The following LRP1B variants were observed in gnomAD, a reference collection of about 807,000 sequenced individuals.
LRP1B encodes the protein low-density lipoprotein receptor-related protein 1B.
A neutral mutation model predicts 556.6 loss-of-function variants in LRP1B; 217 were observed. The ratio of observed to expected loss-of-function variants is 0.39; its 90% CI spans 0.35 to 0.44. The LOEUF is 0.44. Ranked by LOEUF, LRP1B falls within the 20% of genes least tolerant of loss-of-function variation. The pLI, the probability that LRP1B is intolerant of heterozygous loss-of-function variation, is 1.00. For synonymous variants in LRP1B, 2,047 were observed against 1,865.8 expected (o/e 1.10, Z -2.50); for missense variants, 5,053 against 5,620.8 (o/e 0.90, Z 3.23).
chr2:141,118,452 T>C (rs115717015), intron 7 of LRP1B, among the ~76,000 whole-genome samples: 2 of 152,098 alleles, frequency 1.3e-5, no homozygotes, highest in Non-Finnish European at 2.9e-5. Flanking sequence ...CTATTTCTAA[T>C]AATTGGTCAA....
At chr2:141,558,672 G>T (rs1219917351) in intron 2 of LRP1B, among the ~76,000 whole-genome samples, 4 of 151,788 alleles carry the variant, frequency 2.6e-5, no homozygotes, top group Non-Finnish European at 5.9e-5. Flanking sequence ...AGTAATACAA[G>T]TAAGAAGTAA....
intron 7 of LRP1B, among the ~76,000 whole-genome samples, chr2:141,176,077 A>G (rs778891949): frequency 6.6e-5 from 10 of 152,172 alleles, no homozygotes; most frequent in Admixed American, 3.9e-4. Context: ...CCTCCATTGT[A>G]TCTTGGATAT....
At chr2:141,103,935 C>G (rs1421864484) in intron 7 of LRP1B, among the ~76,000 whole-genome samples, 4 of 151,870 alleles carry the variant, frequency 2.6e-5, no homozygotes, top group Non-Finnish European at 4.4e-5. Context: ...ACAAAGGCGT[C>G]AATTCTATTG....
At position 141,247,251 on chromosome 2, in the gene LRP1B, G is replaced by A. The variant is rs2105327138; in HGVS notation, c.567C>T (p.Asp189=). The A allele has an allele frequency of 6.2e-7, 1 of 1,613,764 alleles. No individual in the cohort carries two copies. Among genetic ancestry groups the A allele is most frequent in the South Asian group, 1.1e-5 (1 of 91,080 alleles). ...CAATTTTAGCCTTGCAAGATCTGTT[G>A]TCTGGCTGCATTAGGTAGCCTTCCA... ...SCVEGYLMQP[D]NRSCKAKIEP... The change falls in exon 5 of 91, where the codon GAC becomes GAT. Residue 189 remains aspartate, a synonymous_variant. Transcript: ENST00000389484.
chr2:141,836,372 T>C (rs958144482), intron 1 of LRP1B, among the ~76,000 whole-genome samples: 2 of 152,068 alleles, frequency 1.3e-5, no homozygotes, highest in Admixed American at 6.6e-5. Context: ...TTTTCCACCA[T>C]ATAAAAATAT....
chr2:141,742,774 G>A (rs1040656371), intron 2 of LRP1B, among the ~76,000 whole-genome samples: 3 of 152,048 alleles, frequency 2.0e-5, no homozygotes, highest in African/African-American at 4.8e-5. Flanking sequence ...ACTTTTTGGT[G>A]TCCTCTTCAG....
At chr2:141,631,980 T>C (rs1688930760) in intron 2 of LRP1B, among the ~76,000 whole-genome samples, 1 of 152,084 alleles carries the variant, frequency 6.6e-6, no homozygotes, top group African/African-American at 2.4e-5. Flanking sequence ...GGCACAATCA[T>C]GGCTCACTGC....
At chr2:140,720,489 G>A (rs767923673) in intron 35 of LRP1B, among the ~76,000 whole-genome samples, 2 of 151,900 alleles carry the variant, frequency 1.3e-5, no homozygotes, top group Non-Finnish European at 1.5e-5. Flanking sequence ...CAGAATTAAA[G>A]GGAAAACCAT....
intron 4 of LRP1B, among the ~76,000 whole-genome samples, chr2:141,251,158 A>C (rs1346707735): frequency 6.6e-6 from 1 of 152,174 alleles, no homozygotes; most frequent in African/African-American, 2.4e-5. Context: ...AGGAAGATGG[A>C]GTTTGGAGTC....
chr2:140,613,349 A>T (rs1683138169), intron 41 of LRP1B, among the ~76,000 whole-genome samples: 1 of 87,010 alleles, frequency 1.1e-5, no homozygotes, highest in Admixed American at 1.4e-4. Flanking sequence ...ACATATAAAT[A>T]TAAATAATTA....
At chr2:141,962,372 C>T (rs1701425349) in intron 1 of LRP1B, among the ~76,000 whole-genome samples, 1 of 151,778 alleles carries the variant, frequency 6.6e-6, no homozygotes, top group Non-Finnish European at 1.5e-5. Context: ...CAGCCTTCCT[C>T]CTGACTTGTT....
chr2:141,629,558 G>T (rs1449821679), intron 2 of LRP1B, among the ~76,000 whole-genome samples: 2 of 152,088 alleles, frequency 1.3e-5, no homozygotes, highest in Admixed American at 6.6e-5. Context: ...ACAATAAAAA[G>T]ATATAAAATT....
intron 1 of LRP1B, among the ~76,000 whole-genome samples, chr2:142,046,816 G>T (rs181059341): frequency 6.6e-6 from 1 of 151,906 alleles, no homozygotes; most frequent in African/African-American, 2.4e-5. Flanking sequence ...CATCTGCAAA[G>T]TTTTGTCTTT....
chr2:141,968,635 TTC>T (rs1701632126), intron 1 of LRP1B, among the ~76,000 whole-genome samples: 1 of 151,818 alleles, frequency 6.6e-6, no homozygotes, highest in Non-Finnish European at 1.5e-5. Flanking sequence ...TGTAGAAATA[TTC>T]TAAGTGAAAG....
chr2:141,896,994 G>A (rs1352829513), intron 1 of LRP1B, among the ~76,000 whole-genome samples: 2 of 152,050 alleles, frequency 1.3e-5, no homozygotes, highest in Non-Finnish European at 2.9e-5. Flanking sequence ...TTAGGGTACG[G>A]CTTCCAGATC....
intron 77 of LRP1B, among the ~76,000 whole-genome samples, chr2:140,349,264 A>G (rs897611521): frequency 6.6e-6 from 1 of 152,116 alleles, no homozygotes; most frequent in African/African-American, 2.4e-5. Context: ...TTCTCTGAAA[A>G]ATTATGTCAA....
At chr2:142,034,375 T>C (rs915662525) in intron 1 of LRP1B, among the ~76,000 whole-genome samples, 3 of 151,776 alleles carry the variant, frequency 2.0e-5, no homozygotes, top group Admixed American at 6.6e-5. Context: ...ATTCTAGCTA[T>C]AGTTGTGTAC....
At chr2:141,168,977 G>A (rs1331929254) in intron 7 of LRP1B, among the ~76,000 whole-genome samples, 2 of 151,934 alleles carry the variant, frequency 1.3e-5, no homozygotes, top group Non-Finnish European at 2.9e-5. Flanking sequence ...ATTCCTAAGA[G>A]CAAAGTTGGT....
chr2:141,755,273 GAAGTTAGAATCCCTAATGTACAATA>G (rs1694274726), intron 2 of LRP1B, among the ~76,000 whole-genome samples: 3 of 151,964 alleles, frequency 2.0e-5, no homozygotes, highest in Admixed American at 1.3e-4. Flanking sequence ...AAAAGATATG[GAAGTTAGAATCCCTAATGTACAATA>G]GGTTCTTATA....
Sources: gnomAD v4.1 joint callset for allele counts (sites outside exome capture counted in the v4.1 genomes callset) on GRCh38, gnomAD v4.1.1 for gene constraint, MANE v1.5 for transcripts, NCBI Gene and HGNC (gene_info 2026-07-23, HGNC 2026-07-21) for gene names.